KDM5A: variants seen among roughly 807,000 people sequenced by gnomAD.
KDM5A encodes lysine demethylase 5A, also known as lysine-specific demethylase 5A.
KDM5A carries 42 observed loss-of-function variants against 193.5 expected under a neutral mutation model. The ratio of observed to expected loss-of-function variants is 0.22; its 90% CI spans 0.17 to 0.28. The LOEUF (loss-of-function observed/expected upper bound fraction) is 0.28. KDM5A is among the 10% of genes least tolerant of loss of function. The pLI is 1.00. For missense variants in KDM5A, 1,692 were observed against 2,055.1 expected (o/e 0.82, Z 3.42); for synonymous variants, 796 against 718.1 (o/e 1.11, Z -1.73).
In KDM5A at chr12:355,175, T is replaced by C. The variant is rs200902311; in HGVS notation, c.853A>G (p.Thr285Ala). Residue 285 changes from threonine (T) to alanine (A), a missense_variant, in exon 7 of 28, where the codon ACT (threonine) becomes GCT (alanine). Thr to Ala is a moderately conservative substitution (Grantham distance 58). Coordinates refer to ENST00000399788, the MANE Select transcript of KDM5A (RefSeq NM_001042603.3). ...ACACTTACAAAGTTAACAGAGAGAG[T>C]GCCTTTCCGTTGTCTCATTTGCATG... ...FNMQMRQRKG[T>A]LSVNFVDLYV... The C allele has an allele frequency of 3.8e-5, 61 of 1,604,992 alleles. No individual in the cohort carries two copies. Among genetic ancestry groups the C allele is most frequent in the Admixed American group, 1.0e-4 (6 of 59,972 alleles).
chr12:307,309 T>G lies in KDM5A; in HGVS notation c.3930+145A>C. The G allele has an allele frequency of 3.0e-6, 3 of 1,004,746 alleles. No homozygotes were observed. The Admixed American group carries it at 6.0e-5, about 20-fold the overall frequency. The allele number at this position is 1,004,746 out of a possible 1,614,324, so 62.2% of individuals were successfully genotyped here. ...AAGTACGTATCCAAAAAAAGTGCTA[T>G]AGTGTATGTTGAAGGAGAATGCAAT... is the stretch of plus-strand genomic sequence containing the variant. On this transcript the variant is annotated intron_variant, in intron 23 of 27. Coordinates refer to ENST00000399788, the MANE Select transcript of KDM5A (RefSeq NM_001042603.3). This position sits in a 1 kb window ranked among gnomAD's most constrained non-coding sequence, Gnocchi z 4.3.
intron 24 of KDM5A, among the ~76,000 whole-genome samples, chr12:302,869 C>T (rs1943461414): frequency 6.6e-6 from 1 of 152,214 alleles, no homozygotes; most frequent in African/African-American, 2.4e-5. Flanking sequence ...TATGAACAGA[C>T]ACTTCTCAAA....
chr12:377,980 A>C (rs974860981), intron 3 of KDM5A, among the ~76,000 whole-genome samples: 21 of 152,244 alleles, frequency 1.4e-4, no homozygotes, highest in Admixed American at 1.3e-3. Context: ...TATATTTTTC[A>C]CAGTAATAAT....
rs746836487 is a variant in KDM5A at position 307,662 on chromosome 12, G to A, written c.3722C>T (p.Pro1241Leu). Residue 1241 changes from proline (P) to leucine (L), a missense_variant, in exon 23 of 28, where the codon CCT becomes CTT. Coordinates refer to ENST00000399788, the MANE Select transcript of KDM5A (RefSeq NM_001042603.3). This position sits in a 1 kb window ranked among gnomAD's most constrained non-coding sequence, Gnocchi z 4.3. ...CAAACACTGCAGGGCCTCTCCTTCA[G>A]GCAACCGTACGGGCAACTTCTGAAG... ...VSLQKLPVRL[P>L]EGEALQCLTE... 6.2e-7 allele frequency: 1 copy of A among 1,614,216 alleles called. No individual in the cohort carries two copies. Among genetic ancestry groups the A allele is most frequent in the South Asian group, 1.1e-5 (1 of 91,090 alleles).
At chr12:388,138 A>G (rs1565556136) in intron 1 of KDM5A, 1 of 358,660 alleles carries the variant, frequency 2.8e-6, no homozygotes, top group East Asian at 7.4e-5. Context: ...CACTGGTCTA[A>G]TGAGTAAAGA....
chr12:353,204 G>A (rs1180612777), intron 8 of KDM5A, among the ~76,000 whole-genome samples: 1 of 152,052 alleles, frequency 6.6e-6, no homozygotes, highest in Non-Finnish European at 1.5e-5. Context: ...TTAGCTGGGC[G>A]TGGTGGCATA....
Position 295,797 on chromosome 12 carries a change from T to G in KDM5A, c.4235-4A>C, listed in dbSNP as rs751248082. 15 of 1,613,320 alleles carry G rather than the reference T, an allele frequency of 9.3e-6. No individual in the cohort carries two copies. Among genetic ancestry groups the G allele is most frequent in the Non-Finnish European group, 1.2e-5 (14 of 1,179,448 alleles). On this transcript the variant is annotated splice_polypyrimidine_tract_variant and splice_region_variant and intron_variant, in intron 25 of 27. Transcript: ENST00000399788. ...TGTTTCCTTGGGGTGCTAGAACCTTTCCCAAAAAATACCATAAAACAAAGC... is the reference window on the plus strand; with the variant it reads ...TGTTTCCTTGGGGTGCTAGAACCTTGCCCAAAAAATACCATAAAACAAAGC...
intron 19 of KDM5A, among the ~76,000 whole-genome samples, chr12:316,600 T>G (rs139697539): frequency 6.6e-6 from 1 of 152,196 alleles, no homozygotes; most frequent in Non-Finnish European, 1.5e-5. Context: ...GGTGGCCTAC[T>G]ACCAGGTGCG....
At chr12:344,673 A>G (rs868305728) in intron 10 of KDM5A, among the ~76,000 whole-genome samples, 1 of 152,236 alleles carries the variant, frequency 6.6e-6, no homozygotes, top group Non-Finnish European at 1.5e-5. Flanking sequence ...ACTAAGCCTC[A>G]TAAGTGAAGG....
rs1565528025 is a variant in KDM5A at position 305,983 on chromosome 12, T to TTTG, written c.4074+962_4074+963insCAA. Among the ~76,000 whole-genome samples the TTTG allele has an allele frequency of 3.2e-4, 47 of 148,750 alleles. 2 individuals are homozygous for TTTG. The highest frequency in any genetic ancestry group is 1.6e-3 in the East Asian group (8 of 5,040). On this transcript the variant is annotated intron_variant, in intron 24 of 27. Transcript: ENST00000399788. ...GCAATGGAAGTGTTTTTTTTTTTTT[T>TTTG]TTTTTTTTGAGACAAGGTCTTGTGC...
At chr12:319,985 A>G (rs544936654) in intron 18 of KDM5A, among the ~76,000 whole-genome samples, 147 of 152,306 alleles carry the variant, frequency 9.7e-4, no homozygotes, top group Admixed American at 2.5e-3. Flanking sequence ...ATATACTCCA[A>G]CACTTAGAAG....
intron 14 of KDM5A, among the ~76,000 whole-genome samples, chr12:324,821 T>TGA (rs1240901205): frequency 6.6e-6 from 1 of 150,922 alleles, no homozygotes; most frequent in East Asian, 1.9e-4. Context: ...TGCAATGAGC[T>TGA]GAGATCACGC....
chr12:299,207 G>A (rs987678445), intron 24 of KDM5A, among the ~76,000 whole-genome samples: 5 of 152,248 alleles, frequency 3.3e-5, no homozygotes, highest in African/African-American at 9.6e-5. Context: ...ACACCACAAA[G>A]ATACTCCTTG....
In KDM5A at chr12:283,424, A is replaced by G. The variant is rs565425754; in HGVS notation, c.*2032T>C. ...GACCTCAAGACATATGCACAGCAAC[A>G]CTAACAAACCTCTGAACAAGTCAAA... is the stretch of plus-strand genomic sequence containing the variant. On this transcript the variant is annotated 3_prime_UTR_variant, in exon 28 of 28. Coordinates refer to ENST00000399788, the MANE Select transcript of KDM5A (RefSeq NM_001042603.3). The G allele has an allele frequency of 4.3e-5, 10 of 233,072 alleles. No homozygotes were observed. The highest frequency in any genetic ancestry group is 1.8e-4 in the African/African-American group (8 of 45,450). 14.4% of individuals were successfully genotyped at this position (233,072 alleles called of 1,614,324 possible).
intron 3 of KDM5A, among the ~76,000 whole-genome samples, chr12:376,200 G>C (rs971576320): frequency 6.6e-6 from 1 of 152,246 alleles, no homozygotes; most frequent in African/African-American, 2.4e-5. Flanking sequence ...GAGGAAGGCA[G>C]GCCTCCTTGA....
intron 22 of KDM5A, among the ~76,000 whole-genome samples, chr12:308,212 G>A (rs562969487): frequency 6.6e-6 from 1 of 152,314 alleles, no homozygotes; most frequent in Admixed American, 6.5e-5. Flanking sequence ...CATCAGTACA[G>A]TACTTTGGCC....
chr12:318,036 A>C, intron 19 of KDM5A, 70 bp downstream of exon 19: 3 of 1,139,930 alleles, frequency 2.6e-6, no homozygotes, highest in Non-Finnish European at 4.0e-6. Flanking sequence ...ATAAGCTTTT[A>C]AGTTCCTTCT....
At chr12:379,474 C>CTT (rs1555140397) in intron 3 of KDM5A, among the ~76,000 whole-genome samples, 1 of 152,018 alleles carries the variant, frequency 6.6e-6, no homozygotes, top group Admixed American at 6.6e-5. Flanking sequence ...CAGGTGTACA[C>CTT]ATATGAAAAT....
intron 27 of KDM5A, among the ~76,000 whole-genome samples, chr12:292,502 AG>A (rs1354692570): frequency 2.0e-5 from 3 of 152,338 alleles, no homozygotes; most frequent in Admixed American, 6.5e-5. Context: ...ACTGTTTGCC[AG>A]GGAATGTCAC....
Sources: gnomAD v4.1 joint callset for allele counts (sites outside exome capture counted in the v4.1 genomes callset) on GRCh38, gnomAD v4.1.1 for gene constraint, Gnocchi (gnomAD v3.1) non-coding constraint, MANE v1.5 for transcripts, NCBI Gene and HGNC (gene_info 2026-07-23, HGNC 2026-07-21) for gene names.